Variants in EVL observed in about 807,000 individuals in gnomAD.
EVL encodes the protein Enah/Vasp-like.
In EVL, 21 loss-of-function variants were observed where a neutral mutation model predicts 59.6. The ratio of observed to expected loss-of-function variants is 0.35; its 90% CI spans 0.25 to 0.51. The LOEUF (loss-of-function observed/expected upper bound fraction) is 0.51, where lower values mean the gene tolerates loss of function less well. Ranked by LOEUF, EVL falls within the 20% of genes least tolerant of loss-of-function variation. The probability of loss-of-function intolerance (pLI) is 0.97; values close to 1 mark genes in which losing one functional copy is unlikely to be tolerated. For missense variants in EVL, 462 were observed against 546.6 expected (o/e 0.85, Z 1.54); for synonymous variants, 198 against 203.5 (o/e 0.97, Z 0.23).
Position 100,143,869 on chromosome 14 carries a change from T to A in EVL, c.*131T>A. On this transcript the variant is annotated 3_prime_UTR_variant, in exon 14 of 14. Coordinates refer to ENST00000392920, the MANE Select transcript of EVL (RefSeq NM_016337.3). Reference sequence around the variant, plus strand: ...CTGGGCGCGCTGCTGTGAAACGTCCTGACCTGTGATCACACATGACAGTGA... The same window carrying A: ...CTGGGCGCGCTGCTGTGAAACGTCCAGACCTGTGATCACACATGACAGTGA... 9.2e-7 allele frequency: 1 copy of A among 1,086,380 alleles called. No individual in the cohort carries two copies. The highest frequency in any genetic ancestry group is 2.3e-5 in the Admixed American group (1 of 42,628). The allele number at this position is 1,086,380 out of a possible 1,614,324, so 67.3% of individuals were successfully genotyped here.
intron 1 of EVL, among the ~76,000 whole-genome samples, chr14:100,032,267 T>G (rs1595589922): frequency 6.6e-6 from 1 of 152,120 alleles, no homozygotes; most frequent in African/African-American, 2.4e-5. Context: ...TTCTCCACCT[T>G]TTTGGGGAGT....
intron 11 of EVL, chr14:100,140,626 A>G (rs1199248461): frequency 1.3e-5 from 2 of 151,964 alleles, no homozygotes; most frequent in Non-Finnish European, 2.9e-5. Context: ...GAAAAAAAAA[A>G]AGCGACACCA....
At chr14:100,047,118 CT>C (rs869205625) in intron 1 of EVL, among the ~76,000 whole-genome samples, 5 of 23,910 alleles carry the variant, frequency 2.1e-4, no homozygotes, top group East Asian at 1.3e-3. Context: ...ATCTCTCTCT[CT>C]TTTTTTTTTT....
At chr14:100,136,493 T>A (rs1888795452) in intron 9 of EVL, among the ~76,000 whole-genome samples, 1 of 152,174 alleles carries the variant, frequency 6.6e-6, no homozygotes, top group South Asian at 2.1e-4. Flanking sequence ...ATGATGAGGC[T>A]TCGCAGGGGA....
chr14:100,091,773 A>G (rs117655911), intron 2 of EVL, among the ~76,000 whole-genome samples: 5,092 of 152,282 alleles, frequency 0.033, 102 homozygotes, highest in Non-Finnish European at 0.042. Flanking sequence ...CGGAAGCACA[A>G]GTCACAACCT....
At chr14:100,135,679 AG>A (rs1469574154) in intron 8 of EVL, 1 of 512,272 alleles carries the variant, frequency 2.0e-6, no homozygotes, top group Non-Finnish European at 3.5e-6. Context: ...GAGAGCCTGT[AG>A]CTCCCTGTAG....
chr14:100,028,776 A>C (rs2061263599), intron 1 of EVL, among the ~76,000 whole-genome samples: 1 of 152,142 alleles, frequency 6.6e-6, no homozygotes, highest in African/African-American at 2.4e-5. Context: ...ACGCCACTGC[A>C]CTCCAGCCTG....
chr14:100,091,360 A>C (rs2062560475), intron 2 of EVL, among the ~76,000 whole-genome samples: 1 of 151,548 alleles, frequency 6.6e-6, no homozygotes, highest in Non-Finnish European at 1.5e-5. Flanking sequence ...GGCCGAGGAG[A>C]ATCTGAATCA....
intron 1 of EVL, among the ~76,000 whole-genome samples, chr14:100,010,301 T>A: frequency 6.6e-6 from 1 of 152,344 alleles, no homozygotes; most frequent in South Asian, 2.1e-4. Flanking sequence ...GATGAGAATT[T>A]ATGGTTTGTA....
intron 1 of EVL, among the ~76,000 whole-genome samples, chr14:100,013,672 T>A (rs996497386): frequency 6.6e-6 from 1 of 152,214 alleles, no homozygotes; most frequent in African/African-American, 2.4e-5. Context: ...TGATTTCCAT[T>A]TGTGGCTCCT....
At chr14:100,095,279 A>G (rs1885726681) in intron 2 of EVL, among the ~76,000 whole-genome samples, 1 of 152,160 alleles carries the variant, frequency 6.6e-6, no homozygotes, top group South Asian at 2.1e-4. Flanking sequence ...GGCTTGCTTC[A>G]GTTTGCTACT....
intron 1 of EVL, among the ~76,000 whole-genome samples, chr14:100,048,545 A>G (rs1171857227): frequency 1.3e-5 from 2 of 152,214 alleles, no homozygotes; most frequent in Non-Finnish European, 2.9e-5. Context: ...TGGCACAGCT[A>G]CTCTGGAAAG....
intron 1 of EVL, among the ~76,000 whole-genome samples, chr14:100,057,936 G>A (rs143358897): frequency 3.0e-4 from 46 of 152,276 alleles, no homozygotes; most frequent in African/African-American, 1.0e-3. Context: ...CAGGACACAA[G>A]GGCTTTGTAC....
At chr14:100,077,939 A>AT (rs58939163) in intron 1 of EVL, among the ~76,000 whole-genome samples, 23,996 of 151,000 alleles carry the variant, frequency 0.16, 2,996 homozygotes, top group African/African-American at 0.35. Flanking sequence ...TGCCCGGCTA[A>AT]TTTTTTTTTG....
At chr14:99,992,191 C>G (rs1333988880) in intron 1 of EVL, among the ~76,000 whole-genome samples, 1 of 152,000 alleles carries the variant, frequency 6.6e-6, no homozygotes, top group Non-Finnish European at 1.5e-5. Context: ...ATTTGCTTTT[C>G]TCTTATAATT....
intron 1 of EVL, among the ~76,000 whole-genome samples, chr14:100,049,350 C>G (rs1401990450): frequency 6.6e-6 from 1 of 152,158 alleles, no homozygotes; most frequent in African/African-American, 2.4e-5. Flanking sequence ...CAAGGAATTG[C>G]CTGGAAGCCA....
intron 1 of EVL, among the ~76,000 whole-genome samples, chr14:100,048,261 C>T (rs867552189): frequency 2.4e-4 from 37 of 152,082 alleles, no homozygotes; most frequent in Admixed American, 3.3e-4. Flanking sequence ...ATACAAAGGG[C>T]TTGTCTTTGG....
intron 1 of EVL, among the ~76,000 whole-genome samples, chr14:100,031,873 G>C (rs1282683799): frequency 6.6e-6 from 1 of 152,182 alleles, no homozygotes; most frequent in Non-Finnish European, 1.5e-5. Context: ...TTTCCTTTTT[G>C]AAAATCAACT....
chr14:100,092,055 A>G (rs1031319841), intron 2 of EVL, among the ~76,000 whole-genome samples: 4 of 152,006 alleles, frequency 2.6e-5, no homozygotes, highest in African/African-American at 7.3e-5. Context: ...CCTGGGCAAC[A>G]TAGCAAGACC....
Sources: allele counts gnomAD v4.1 joint callset (sites outside exome capture counted in the v4.1 genomes callset), GRCh38; gene constraint gnomAD v4.1.1; transcripts MANE v1.5; gene names NCBI Gene and HGNC (gene_info 2026-07-23, HGNC 2026-07-21).